The following CDH12 variants were observed in gnomAD, a reference collection of about 807,000 sequenced individuals.
CDH12 encodes cadherin-12.
A neutral mutation model predicts 74.1 loss-of-function variants in CDH12; 41 were observed. The observed-to-expected ratio is 0.55, with a 90% CI of 0.43 to 0.72. The LOEUF (loss-of-function observed/expected upper bound fraction) is 0.72, where lower values mean the gene tolerates loss of function less well. CDH12 is among the 30% of genes least tolerant of loss of function. The pLI is 0.00. For missense variants in CDH12, 945 were observed against 977.2 expected (o/e 0.97, Z 0.44); for synonymous variants, 399 against 355.0 (o/e 1.12, Z -1.39).
intron 4 of CDH12, among the ~76,000 whole-genome samples, chr5:22,203,900 G>T (rs1751058296): frequency 6.6e-6 from 1 of 152,074 alleles, no homozygotes; most frequent in African/African-American, 2.4e-5. Context: ...CCCCTTTTGA[G>T]AAATTCTATT....
intron 2 of CDH12, among the ~76,000 whole-genome samples, chr5:22,497,585 A>G (rs1183244409): frequency 1.3e-5 from 2 of 151,840 alleles, no homozygotes; most frequent in African/African-American, 4.8e-5. Flanking sequence ...CTGAAAAGAT[A>G]AAACCATCAA....
At chr5:22,249,168 G>T (rs1175136786) in intron 3 of CDH12, among the ~76,000 whole-genome samples, 1 of 152,046 alleles carries the variant, frequency 6.6e-6, no homozygotes, top group African/African-American at 2.4e-5. Flanking sequence ...AAGTATCACT[G>T]GACCATAGTG....
At chr5:22,727,661 C>T (rs1420853912) in intron 1 of CDH12, among the ~76,000 whole-genome samples, 1 of 151,400 alleles carries the variant, frequency 6.6e-6, no homozygotes, top group Non-Finnish European at 1.5e-5. Context: ...CCTTTTTCTT[C>T]TGCCTGAAAA....
At chr5:21,845,360 A>T (rs371529632) in intron 7 of CDH12, among the ~76,000 whole-genome samples, 1 of 152,022 alleles carries the variant, frequency 6.6e-6, no homozygotes. Flanking sequence ...CCAGTCATCC[A>T]CTCCTAATGG....
At chr5:22,024,112 A>T (rs1190171523) in intron 5 of CDH12, among the ~76,000 whole-genome samples, 1 of 152,088 alleles carries the variant, frequency 6.6e-6, no homozygotes, top group African/African-American at 2.4e-5. Flanking sequence ...CAAATGGAGG[A>T]TAATTAATAA....
rs534009700 is a variant in CDH12 at position 21,873,682 on chromosome 5, T to C, written c.527-18892A>G. ...GACATGTGCAGGATGTGCAGGTTTG[T>C]TACATAGGTAAACGTGTGCCATGGT... On this transcript the variant is annotated intron_variant, in intron 6 of 14. Transcript: ENST00000382254. Among the ~76,000 whole-genome samples, 8 of 152,220 alleles carry C rather than the reference T, an allele frequency of 5.3e-5. No individual in the cohort carries two copies. The South Asian group carries it at 1.7e-3, about 31-fold the overall frequency.
intron 4 of CDH12, among the ~76,000 whole-genome samples, chr5:22,118,339 C>T (rs1316206064): frequency 6.6e-6 from 1 of 152,016 alleles, no homozygotes; most frequent in African/African-American, 2.4e-5. Flanking sequence ...TAATACATCA[C>T]TCAGTGTATT....
chr5:21,891,028 A>C (rs1752874828), intron 6 of CDH12, among the ~76,000 whole-genome samples: 1 of 152,078 alleles, frequency 6.6e-6, no homozygotes, highest in Non-Finnish European at 1.5e-5. Flanking sequence ...AATTCCAATA[A>C]ATGATGATAA....
At chr5:21,837,851 TC>T (rs1310107519) in intron 8 of CDH12, among the ~76,000 whole-genome samples, 2 of 152,070 alleles carry the variant, frequency 1.3e-5, no homozygotes, top group Non-Finnish European at 2.9e-5. Context: ...TTCAAAAATA[TC>T]CCCCACCCGT....
chr5:22,689,749 C>A (rs1202563914), intron 1 of CDH12, among the ~76,000 whole-genome samples: 4 of 151,924 alleles, frequency 2.6e-5, no homozygotes, highest in Non-Finnish European at 5.9e-5. Flanking sequence ...AAAAACTATT[C>A]ACAGATAAGG....
chr5:21,799,498 G>T (rs1196036919), intron 10 of CDH12, among the ~76,000 whole-genome samples: 1 of 152,082 alleles, frequency 6.6e-6, no homozygotes, highest in Non-Finnish European at 1.5e-5. Flanking sequence ...AAGAAGATTT[G>T]TATAGGTGTG....
chr5:21,828,428 A>T (rs1431795782), intron 8 of CDH12, among the ~76,000 whole-genome samples: 1 of 152,080 alleles, frequency 6.6e-6, no homozygotes, highest in East Asian at 1.9e-4. Flanking sequence ...GGCCAAAAAC[A>T]CTGAAAATTT....
chr5:22,396,478 A>G (rs112782425), intron 3 of CDH12, among the ~76,000 whole-genome samples: 5,486 of 152,218 alleles, frequency 0.036, 113 homozygotes, highest in African/African-American at 0.055. Flanking sequence ...CTTTAAGGCA[A>G]TAATTTTATT....
intron 4 of CDH12, among the ~76,000 whole-genome samples, chr5:22,160,899 G>A (rs542567700): frequency 1.6e-4 from 25 of 152,306 alleles, no homozygotes; most frequent in Admixed American, 5.2e-4. Context: ...CAAACATTTA[G>A]ATCATGGCAA....
chr5:22,559,425 T>C (rs2126746536), intron 1 of CDH12, among the ~76,000 whole-genome samples: 1 of 152,230 alleles, frequency 6.6e-6, no homozygotes, highest in East Asian at 1.9e-4. Flanking sequence ...AAGTTTTGAC[T>C]ACATTGTATT....
intron 6 of CDH12, among the ~76,000 whole-genome samples, chr5:21,855,259 A>C (rs546103618): frequency 2.0e-5 from 3 of 151,868 alleles, no homozygotes; most frequent in South Asian, 4.1e-4. Context: ...GGAAGTCTTT[A>C]ATTAGAAAAG....
intron 6 of CDH12, among the ~76,000 whole-genome samples, chr5:21,927,876 T>G (rs1427956677): frequency 6.6e-6 from 1 of 151,900 alleles, no homozygotes; most frequent in African/African-American, 2.4e-5. Context: ...GAGACCATCC[T>G]GGCTAACACG....
intron 1 of CDH12, among the ~76,000 whole-genome samples, chr5:22,794,983 A>C (rs1416272332): frequency 6.6e-6 from 1 of 151,822 alleles, no homozygotes; most frequent in Non-Finnish European, 1.5e-5. Flanking sequence ...ATCTGACTTA[A>C]TTCATGTAAC....
intron 6 of CDH12, among the ~76,000 whole-genome samples, chr5:21,891,169 A>G (rs1323998298): frequency 6.6e-6 from 1 of 152,100 alleles, no homozygotes; most frequent in Non-Finnish European, 1.5e-5. Flanking sequence ...TTTATTTGCA[A>G]TCAATTATCT....
Sources: allele counts gnomAD v4.1 joint callset (sites outside exome capture counted in the v4.1 genomes callset), GRCh38; gene constraint gnomAD v4.1.1; transcripts MANE v1.5; gene names NCBI Gene and HGNC (gene_info 2026-07-23, HGNC 2026-07-21).